Variants in FLT3 observed in about 807,000 individuals in gnomAD.
The protein encoded by FLT3 is fms related receptor tyrosine kinase 3.
FLT3 carries 46 observed loss-of-function variants against 126.6 expected under a neutral mutation model. The observed-to-expected ratio is 0.36, with a 90% CI of 0.29 to 0.46. The LOEUF is 0.46. Ranked by LOEUF, FLT3 falls within the 20% of genes least tolerant of loss-of-function variation. FLT3 has a pLI of 1.00. For missense variants in FLT3, 1,069 were observed against 1,190.3 expected (o/e 0.90, Z 1.50); for synonymous variants, 404 against 434.4 (o/e 0.93, Z 0.87).
chr13:28,031,288 G>GGATA (rs1444478830), intron 15 of FLT3, among the ~76,000 whole-genome samples: 3 of 152,140 alleles, frequency 2.0e-5, no homozygotes. Context: ...GGGTCAAAAG[G>GGATA]GATAGCTACC....
In FLT3 at chr13:28,048,329, G is replaced by A; in HGVS notation, c.1151C>T (p.Thr384Ile). Residue 384 changes from threonine (T) to isoleucine (I), a missense_variant, in exon 9 of 24, where the codon ACC becomes ATC. Physicochemically the swap from Thr to Ile is moderately conservative, Grantham distance 89 (BLOSUM62 -1). Transcript: ENST00000241453. ...ACAAGGAAATGATTTTCGAGAGAAG[G>A]TCCACGTACATCTGATTTGTGGGTA... ...KAYPQIRCTW[T>I]FSRKSFPCEQ... 1.2e-6 allele frequency: 2 copies of A among 1,613,932 alleles called. No individual in the cohort carries two copies. The highest frequency in any genetic ancestry group is 1.1e-5 in the South Asian group (1 of 91,072).
intron 5 of FLT3, among the ~76,000 whole-genome samples, chr13:28,050,988 TTACATA>T (rs914703945): frequency 6.6e-6 from 1 of 152,210 alleles, no homozygotes; most frequent in Admixed American, 6.5e-5. Context: ...TCTATGTGCT[TTACATA>T]TATCAATTCA....
At chr13:28,035,437 G>T in intron 12 of FLT3, 58 bp downstream of exon 12, 1 of 1,512,944 alleles carries the variant, frequency 6.6e-7, no homozygotes, top group Non-Finnish European at 9.1e-7. Context: ...CAGCGATGGG[G>T]ACTAACTTCT....
chr13:28,032,471 A>G (rs1343164242), intron 15 of FLT3, among the ~76,000 whole-genome samples: 1 of 152,184 alleles, frequency 6.6e-6, no homozygotes, highest in Admixed American at 6.5e-5. Context: ...TTAGCCAGGC[A>G]TGGTGGCGCA....
intron 3 of FLT3, among the ~76,000 whole-genome samples, chr13:28,059,464 A>G (rs1162048851): frequency 6.6e-6 from 1 of 152,206 alleles, no homozygotes; most frequent in African/African-American, 2.4e-5. Flanking sequence ...GGGTTAGGAC[A>G]TTACCCACAC....
chr13:28,024,385 G>A (rs771770471), intron 18 of FLT3, among the ~76,000 whole-genome samples: 3 of 151,802 alleles, frequency 2.0e-5, no homozygotes, highest in East Asian at 1.9e-4. Flanking sequence ...TGCCTGCCTC[G>A]GCCTCCCAAG....
At chr13:28,065,809 C>T (rs9551432) in intron 2 of FLT3, among the ~76,000 whole-genome samples, 23,548 of 142,980 alleles carry the variant, frequency 0.16, 23 homozygotes, top group Middle Eastern at 0.22. Context: ...GCCTGGACAA[C>T]GGAGCGAGAT....
intron 2 of FLT3, among the ~76,000 whole-genome samples, chr13:28,067,367 T>C (rs906153484): frequency 2.6e-5 from 4 of 152,242 alleles, no homozygotes; most frequent in Non-Finnish European, 4.4e-5. Context: ...CAATCCACAA[T>C]CTGGATAGAC....
chr13:28,096,672 T>C (rs1879472926), intron 1 of FLT3, among the ~76,000 whole-genome samples: 2 of 152,112 alleles, frequency 1.3e-5, no homozygotes, highest in Admixed American at 6.6e-5. Flanking sequence ...CCTCAAGTGA[T>C]CTGCCTGCCT....
Position 28,052,475 on chromosome 13 carries a change from G to T in FLT3, c.614+70C>A, listed in dbSNP as rs560541498. The T allele has an allele frequency of 1.4e-5, 20 of 1,414,968 alleles. No individual in the cohort carries two copies. In the South Asian group the frequency reaches 2.6e-4, roughly 18 times the overall value. The allele number at this position is 1,414,968 out of a possible 1,614,324, so 87.7% of individuals were successfully genotyped here. A position where few individuals can be genotyped will look rare whatever the true frequency, so the allele number is the denominator to read the frequency against. ...ATAAATTAAATTTTACATACAGCTT[G>T]ATGTCAACTACATTAGAAAAAGGCC... On this transcript the variant is annotated intron_variant, in intron 5 of 23. Coordinates refer to ENST00000241453, the MANE Select transcript of FLT3 (RefSeq NM_004119.3).
At position 28,058,265 on chromosome 13, in the gene FLT3, A is replaced by G. The variant is rs547030383; in HGVS notation, c.369-803T>C. On this transcript the variant is annotated intron_variant, in intron 3 of 23. Transcript: ENST00000241453. The stretch of plus-strand genomic sequence containing the variant: ...TACAGTGGCTCATGCCTGTAATCCC[A>G]GCACTTTGGGAGGCTGAAGTGGGTG... 2.8e-4 allele frequency among the ~76,000 whole-genome samples: 42 copies of G among 149,946 alleles called. 1 individual carries two copies. The East Asian group carries it at 8.1e-3, about 29-fold the overall frequency.
intron 1 of FLT3, among the ~76,000 whole-genome samples, chr13:28,072,331 C>T (rs577277506): frequency 1.3e-5 from 2 of 152,060 alleles, no homozygotes; most frequent in Admixed American, 1.3e-4. Context: ...AGCTTGTATA[C>T]TTATCTTTTT....
intron 9 of FLT3, among the ~76,000 whole-genome samples, chr13:28,044,166 G>C (rs1874650299): frequency 7.0e-6 from 1 of 142,506 alleles, no homozygotes; most frequent in South Asian, 2.3e-4. Flanking sequence ...GCAAAAAGAA[G>C]GGCCAGGCGC....
intron 1 of FLT3, among the ~76,000 whole-genome samples, chr13:28,071,474 C>A (rs1024064665): frequency 2.6e-5 from 4 of 152,074 alleles, no homozygotes; most frequent in Non-Finnish European, 5.9e-5. Context: ...CTCTGTTTGG[C>A]ATTTTCTTGA....
At chr13:28,023,525 G>T in intron 18 of FLT3, 48 bp from the exon 19 acceptor site, 1 of 1,605,702 alleles carries the variant, frequency 6.2e-7, no homozygotes. Flanking sequence ...CTAAGAAGTT[G>T]CCTTATTAAA....
intron 1 of FLT3, among the ~76,000 whole-genome samples, chr13:28,078,179 G>A (rs1166968670): frequency 1.3e-5 from 2 of 152,174 alleles, no homozygotes; most frequent in Non-Finnish European, 1.5e-5. Context: ...AGCTCCAGTA[G>A]GCAGTGCTTC....
intron 1 of FLT3, among the ~76,000 whole-genome samples, chr13:28,094,356 C>T (rs1879311162): frequency 6.6e-6 from 1 of 152,116 alleles, no homozygotes; most frequent in African/African-American, 2.4e-5. Context: ...TTCTTGGCTA[C>T]CAATTGACCT....
At chr13:28,074,916 G>A (rs1338298627) in intron 1 of FLT3, among the ~76,000 whole-genome samples, 1 of 152,176 alleles carries the variant, frequency 6.6e-6, no homozygotes, top group Non-Finnish European at 1.5e-5. Flanking sequence ...TTACAGGTGT[G>A]AGCCACTGCG....
At chr13:28,045,011 T>C (rs1300018881) in intron 9 of FLT3, among the ~76,000 whole-genome samples, 1 of 152,234 alleles carries the variant, frequency 6.6e-6, no homozygotes, top group Non-Finnish European at 1.5e-5. Context: ...TACTTATCTG[T>C]TGCCAGATAA....
Sources: gnomAD v4.1 joint callset for allele counts (sites outside exome capture counted in the v4.1 genomes callset) on GRCh38, gnomAD v4.1.1 for gene constraint, MANE v1.5 for transcripts, NCBI Gene and HGNC (gene_info 2026-07-23, HGNC 2026-07-21) for gene names.